Variants in ARL13B observed in about 807,000 individuals in gnomAD.
ARL13B encodes ARF like GTPase 13B.
ARL13B carries 36 observed loss-of-function variants against 56.1 expected under a neutral mutation model. That is an observed-to-expected ratio of 0.64 (90% CI 0.49 to 0.85). The LOEUF is 0.85. ARL13B is among the 40% of genes least tolerant of loss of function. The pLI, the probability that ARL13B is intolerant of heterozygous loss-of-function variation, is 0.00. For synonymous variants in ARL13B, 178 were observed against 171.1 expected (o/e 1.04, Z -0.32); for missense variants, 519 against 507.1 (o/e 1.02, Z -0.23).
intron 3 of ARL13B, among the ~76,000 whole-genome samples, chr3:94,018,252 G>A (rs1464808896): frequency 1.3e-5 from 2 of 151,718 alleles, no homozygotes; most frequent in Non-Finnish European, 2.9e-5. Context: ...ATAGTTTCCT[G>A]GGGAGGGGGT....
chr3:94,008,190 C>G (rs1427097796), intron 3 of ARL13B, among the ~76,000 whole-genome samples: 1 of 152,122 alleles, frequency 6.6e-6, no homozygotes, highest in Non-Finnish European at 1.5e-5. Context: ...TTATGCTTTG[C>G]AATCATGTTA....
chr3:94,030,557 C>T (rs911714752), intron 3 of ARL13B, among the ~76,000 whole-genome samples: 1 of 152,018 alleles, frequency 6.6e-6, no homozygotes, highest in African/African-American at 2.4e-5. Flanking sequence ...GAAATTAAAT[C>T]TTAAAACAAA....
At chr3:94,040,693 T>A (rs2076846590) in intron 6 of ARL13B, among the ~76,000 whole-genome samples, 1 of 151,984 alleles carries the variant, frequency 6.6e-6, no homozygotes, top group African/African-American at 2.4e-5. Context: ...AAGGTTTTTT[T>A]TTTTTTTTGT....
At position 93,980,198 on chromosome 3, in the gene ARL13B, T is replaced by G. The variant is rs1223235565; in HGVS notation, c.-226T>G. ...CCCGCTAACTCGGCTACGGTGTATCTGCGTCTTTGGTCAGGTTGTTCCTTG... is the reference window on the plus strand; with the variant it reads ...CCCGCTAACTCGGCTACGGTGTATCGGCGTCTTTGGTCAGGTTGTTCCTTG... On this transcript the variant is annotated 5_prime_UTR_variant, in exon 1 of 10. Transcript: ENST00000394222. 1.4e-6 allele frequency: 1 copy of G among 697,970 alleles called. No homozygotes were observed. The highest frequency in any genetic ancestry group is 1.8e-5 in the African/African-American group (1 of 57,080). 43.2% of individuals were successfully genotyped at this position (697,970 alleles called of 1,614,324 possible).
chr3:93,984,182 C>G (rs1390667283), intron 1 of ARL13B, among the ~76,000 whole-genome samples: 1 of 152,058 alleles, frequency 6.6e-6, no homozygotes, highest in Non-Finnish European at 1.5e-5. Context: ...ATGGCGAAAC[C>G]CTGTCTCTAC....
intron 3 of ARL13B, among the ~76,000 whole-genome samples, chr3:94,018,661 T>C (rs2076383543): frequency 6.6e-6 from 1 of 152,172 alleles, no homozygotes; most frequent in African/African-American, 2.4e-5. Context: ...TTTGAATGCC[T>C]CTATCCAAAA....
At chr3:94,017,834 G>GT (rs924281488) in intron 3 of ARL13B, among the ~76,000 whole-genome samples, 11 of 152,116 alleles carry the variant, frequency 7.2e-5, no homozygotes, top group Admixed American at 7.2e-4. Context: ...AGACTGATAT[G>GT]TTTTAGGAAC....
Position 94,003,919 on chromosome 3 carries a change from T to C in ARL13B, c.380+11T>C, listed in dbSNP as rs1322838042. 2 of 1,613,066 alleles carry C rather than the reference T, an allele frequency of 1.2e-6. No individual in the cohort carries two copies. The highest frequency in any genetic ancestry group is 3.3e-5 in the Admixed American group (2 of 60,020). ...AAAGCCTATATTGGTGTAAGTAATG[T>C]TAGCATCATTGTAAATGTAGGGACG... is the stretch of plus-strand genomic sequence containing the variant. On this transcript the variant is annotated intron_variant, in intron 3 of 9. Coordinates refer to ENST00000394222, the MANE Select transcript of ARL13B (RefSeq NM_001174150.2).
chr3:94,041,082 T>G (rs956310613), intron 6 of ARL13B, among the ~76,000 whole-genome samples: 2 of 148,936 alleles, frequency 1.3e-5, no homozygotes, highest in Admixed American at 6.7e-5. Context: ...TAGCTATAGT[T>G]TTTTTTTTTT....
At chr3:94,036,101 A>G (rs566404319) in intron 4 of ARL13B, among the ~76,000 whole-genome samples, 18 of 152,256 alleles carry the variant, frequency 1.2e-4, no homozygotes, top group Middle Eastern at 3.4e-3. Flanking sequence ...AAGATAAATC[A>G]TATCAGGAGA....
intron 3 of ARL13B, among the ~76,000 whole-genome samples, chr3:94,028,805 AG>A (rs1415236140): frequency 6.6e-6 from 1 of 152,228 alleles, no homozygotes; most frequent in African/African-American, 2.4e-5. Context: ...ATTTAAACAA[AG>A]GTTACTTTCT....
At chr3:94,050,990 A>C in intron 9 of ARL13B, 98 bp downstream of exon 9, 2 of 1,126,546 alleles carry the variant, frequency 1.8e-6, no homozygotes, top group Admixed American at 3.9e-5. Flanking sequence ...TTAGTTTTAG[A>C]AGCTTGTCAA....
At position 94,013,625 on chromosome 3, in the gene ARL13B, G is replaced by T. The variant is rs566087144; in HGVS notation, c.380+9717G>T. Among the ~76,000 whole-genome samples, 37 of 152,250 alleles carry T rather than the reference G, an allele frequency of 2.4e-4. 1 individual carries two copies. Among genetic ancestry groups the T allele is most frequent in the African/African-American group, 8.7e-4 (36 of 41,556 alleles). ...GAGTTTTCCCTGATCTGTTGACATTGAGTTAAGTTACCTTCTGAGGATAAA... is the reference window on the plus strand; with the variant it reads ...GAGTTTTCCCTGATCTGTTGACATTTAGTTAAGTTACCTTCTGAGGATAAA... On this transcript the variant is annotated intron_variant, in intron 3 of 9. Transcript: ENST00000394222.
intron 1 of ARL13B, among the ~76,000 whole-genome samples, chr3:93,989,701 T>C (rs535177045): frequency 6.6e-6 from 1 of 152,130 alleles, no homozygotes; most frequent in Non-Finnish European, 1.5e-5. Flanking sequence ...TTCATGAAAT[T>C]CTGAAAAGTA....
chr3:94,036,925 T>C (rs543042791), intron 5 of ARL13B, among the ~76,000 whole-genome samples, 171 bp downstream of exon 5: 10 of 152,304 alleles, frequency 6.6e-5, no homozygotes, highest in African/African-American at 2.2e-4. Context: ...GGGTGGTAGA[T>C]TCCTAATTTT....
chr3:94,014,900 C>A (rs757872139), intron 3 of ARL13B: 1 of 1,613,520 alleles, frequency 6.2e-7, no homozygotes, highest in Admixed American at 1.7e-5. Context: ...GAAGATGGAC[C>A]ATTTTCAACC....
intron 3 of ARL13B, among the ~76,000 whole-genome samples, chr3:94,020,397 AT>A (rs1315125282): frequency 6.6e-6 from 1 of 152,188 alleles, no homozygotes; most frequent in African/African-American, 2.4e-5. Context: ...TAGAGTTGAG[AT>A]TCAGATTCTG....
intron 3 of ARL13B, chr3:94,015,170 A>T: frequency 6.2e-7 from 1 of 1,613,904 alleles, no homozygotes; most frequent in Non-Finnish European, 8.5e-7. Context: ...TGCTGTAGAA[A>T]CACCCCTTGT....
chr3:94,019,576 C>G (rs570045722), intron 3 of ARL13B, among the ~76,000 whole-genome samples: 2 of 151,162 alleles, frequency 1.3e-5, no homozygotes, highest in African/African-American at 4.9e-5. Context: ...CCAACTACCC[C>G]CCATCCTGCC....
Sources: allele counts gnomAD v4.1 joint callset (sites outside exome capture counted in the v4.1 genomes callset), GRCh38; gene constraint gnomAD v4.1.1; transcripts MANE v1.5; gene names NCBI Gene and HGNC (gene_info 2026-07-23, HGNC 2026-07-21).